The following RPS6KA1 variants were observed in gnomAD, a reference collection of about 807,000 sequenced individuals.
The protein encoded by RPS6KA1 is ribosomal protein S6 kinase alpha-1.
Under a neutral mutation model 91.3 loss-of-function variants are expected in RPS6KA1, and 48 were observed. The observed-to-expected ratio is 0.53, with a 90% CI of 0.42 to 0.67. RPS6KA1 has a LOEUF of 0.67. Among genes scored for constraint, RPS6KA1 ranks in the 30% least tolerant of loss-of-function variants. The pLI, the probability that RPS6KA1 is intolerant of heterozygous loss-of-function variation, is 0.00. For synonymous variants in RPS6KA1, 359 were observed against 384.7 expected (o/e 0.93, Z 0.78); for missense variants, 719 against 960.5 (o/e 0.75, Z 3.32).
intron 2 of RPS6KA1, chr1:26,543,964 A>T: frequency 7.2e-6 from 3 of 414,984 alleles, no homozygotes; most frequent in South Asian, 5.1e-5. Context: ...TAGGAGGAAA[A>T]TCCTAGGGAA....
chr1:26,539,353 G>T (rs1380194949), intron 2 of RPS6KA1, among the ~76,000 whole-genome samples: 1 of 152,210 alleles, frequency 6.6e-6, no homozygotes, highest in Non-Finnish European at 1.5e-5. Flanking sequence ...CTGGCATTTG[G>T]CTGGGACTCA....
chr1:26,546,825 G>C (rs769996645), intron 2 of RPS6KA1, 42 bp from the exon 3 acceptor site: 1 of 1,538,802 alleles, frequency 6.5e-7, no homozygotes, highest in South Asian at 1.1e-5. Context: ...CCTGCTGCCT[G>C]GATGGGGCCC....
intron 1 of RPS6KA1, among the ~76,000 whole-genome samples, chr1:26,534,107 C>G (rs2075889093): frequency 6.6e-6 from 1 of 152,214 alleles, no homozygotes; most frequent in African/African-American, 2.4e-5. Context: ...CTACCCCTTC[C>G]TCCCCACCCT....
chr1:26,550,473 C>G (rs996298450), intron 4 of RPS6KA1, among the ~76,000 whole-genome samples: 1 of 151,818 alleles, frequency 6.6e-6, no homozygotes, highest in Non-Finnish European at 1.5e-5. Flanking sequence ...TGAGCCACCA[C>G]GCCTGGTCCC....
intron 4 of RPS6KA1, among the ~76,000 whole-genome samples, chr1:26,549,833 C>T (rs1309142572): frequency 2.0e-5 from 3 of 151,502 alleles, no homozygotes; most frequent in African/African-American, 7.3e-5. Flanking sequence ...TCCTGAGTAG[C>T]TGGGATTACA....
In RPS6KA1 at chr1:26,536,974, G is replaced by A; in HGVS notation, c.108+5G>A. On this transcript the variant is annotated splice_donor_5th_base_variant and intron_variant, in intron 2 of 21. Coordinates refer to ENST00000374168, the MANE Select transcript of RPS6KA1 (RefSeq NM_002953.4). ...GCTGGACTTCAGCCGTCCAAGGTGA[G>A]GACCATGGCCAGCACCCTGAGCGAG... 6.2e-7 allele frequency: 1 copy of A among 1,614,124 alleles called. No individual in the cohort carries two copies. The highest frequency in any genetic ancestry group is 8.5e-7 in the Non-Finnish European group (1 of 1,179,958).
intron 1 of RPS6KA1, among the ~76,000 whole-genome samples, chr1:26,534,216 T>C (rs1315793401): frequency 6.6e-6 from 1 of 152,162 alleles, no homozygotes; most frequent in Non-Finnish European, 1.5e-5. Context: ...CTGAGCCTCA[T>C]CTGAAAAATA....
At position 26,551,812 on chromosome 1, in the gene RPS6KA1, T is replaced by A. The variant is rs1436015486; in HGVS notation, c.468+89T>A. On this transcript the variant is annotated intron_variant, in intron 6 of 21. Transcript: ENST00000374168. The surrounding 1 kb of genome is among the most constrained non-coding windows in gnomAD (Gnocchi z 4.5). ...CCCAGGGCCCTGTACAGAATGTGTTTGGTATGGCTTGAACCTGGAACCACC... is the reference window on the plus strand; with the variant it reads ...CCCAGGGCCCTGTACAGAATGTGTTAGGTATGGCTTGAACCTGGAACCACC... 9 of 1,209,592 alleles carry A rather than the reference T, an allele frequency of 7.4e-6. No homozygotes were observed. Among genetic ancestry groups the A allele is most frequent in the Non-Finnish European group, 9.7e-6 (8 of 821,948 alleles). The allele number at this position is 1,209,592 out of a possible 1,614,324, so 74.9% of individuals were successfully genotyped here.
rs746980907 is a variant in RPS6KA1 at position 26,555,114 on chromosome 1, A to G, written c.757-37A>G. ...AGGAGGCGGGAGGTGTGTCGGAGAC[A>G]GGGATCAGAGCCTGAATAGATCCTT... On this transcript the variant is annotated intron_variant, in intron 9 of 21. Coordinates refer to ENST00000374168, the MANE Select transcript of RPS6KA1 (RefSeq NM_002953.4). The surrounding 1 kb of genome is among the most constrained non-coding windows in gnomAD (Gnocchi z 4.3). 2 of 1,604,330 alleles carry G rather than the reference A, an allele frequency of 1.2e-6. No homozygotes were observed. The highest frequency in any genetic ancestry group is 1.1e-5 in the South Asian group (1 of 90,858).
Position 26,571,210 on chromosome 1 carries a change from G to T in RPS6KA1, c.1591-239G>T. 1.9e-6 allele frequency: 1 copy of T among 519,312 alleles called. No homozygotes were observed. Among genetic ancestry groups the T allele is most frequent in the East Asian group, 3.2e-5 (1 of 31,318 alleles). 32.2% of individuals were successfully genotyped at this position (519,312 alleles called of 1,614,324 possible). A position where few individuals can be genotyped will look rare whatever the true frequency, so the allele number is the denominator to read the frequency against. ...AGATTATGTGATGAGTAGGTTTTAG[G>T]GGAGAATTGAGAGTTCAGTTTTGAC... On this transcript the variant is annotated intron_variant, in intron 17 of 21. Transcript: ENST00000374168. This position sits in a 1 kb window ranked among gnomAD's most constrained non-coding sequence, Gnocchi z 5.1.
In RPS6KA1 at chr1:26,540,530, C is replaced by T. The variant is rs1032264938; in HGVS notation, c.108+3561C>T. Among the ~76,000 whole-genome samples the T allele has an allele frequency of 6.6e-6, 1 of 152,238 alleles. No homozygotes were observed. The highest frequency in any genetic ancestry group is 2.1e-4 in the South Asian group (1 of 4,834). On this transcript the variant is annotated intron_variant, in intron 2 of 21. Coordinates refer to ENST00000374168, the MANE Select transcript of RPS6KA1 (RefSeq NM_002953.4). The surrounding 1 kb of genome is among the most constrained non-coding windows in gnomAD (Gnocchi z 4.2). ...GGCAAATAGTCACCACCTCTGGGCA[C>T]CCACAACACCTTGATTATGGCTGTC...
rs11580180 is a variant in RPS6KA1, at chr1:26,540,962, A to G, written c.108+3993A>G. Among the ~76,000 whole-genome samples the G allele has an allele frequency of 0.77, 116,454 of 151,920 alleles. 45,111 individuals carry two copies. The highest frequency in any genetic ancestry group is 0.88 in the African/African-American group (36,535 of 41,432). On this transcript the variant is annotated intron_variant, in intron 2 of 21. Transcript: ENST00000374168. The surrounding 1 kb of genome is among the most constrained non-coding windows in gnomAD (Gnocchi z 4.2). ...TATGCCACTATGCCCGGCTAATTTC[A>G]TATTTTTAGTAGAGACGGGGTTTCT...
At position 26,555,660 on chromosome 1, in the gene RPS6KA1, G is replaced by A. The variant is rs777292828; in HGVS notation, c.916+35G>A. ...CCCAGCTCAGGGGAGGGGATGTGGC[G>A]ATGGGGAGCCGGGTACAGCTGCAGC... On this transcript the variant is annotated intron_variant, in intron 11 of 21. Coordinates refer to ENST00000374168, the MANE Select transcript of RPS6KA1 (RefSeq NM_002953.4). This position sits in a 1 kb window ranked among gnomAD's most constrained non-coding sequence, Gnocchi z 4.3. The A allele has an allele frequency of 2.0e-5, 31 of 1,554,480 alleles. No individual in the cohort carries two copies. In the African/African-American group the frequency reaches 2.7e-4, roughly 14 times the overall value.
chr1:26,556,979 T>C lies in RPS6KA1; in HGVS notation c.982-19T>C. ...GTTGAGGATGCCATGGTGACCAGAG[T>C]GCCCACCCCACTGTGCAGAAGCTAT... On this transcript the variant is annotated intron_variant, in intron 12 of 21. Coordinates refer to ENST00000374168, the MANE Select transcript of RPS6KA1 (RefSeq NM_002953.4). 2 of 1,596,154 alleles carry C rather than the reference T, an allele frequency of 1.3e-6. No homozygotes were observed. The highest frequency in any genetic ancestry group is 1.7e-6 in the Non-Finnish European group (2 of 1,163,888).
At chr1:26,562,825 C>CCTTTTT (rs1553133561) in intron 17 of RPS6KA1, among the ~76,000 whole-genome samples, 1 of 81,444 alleles carries the variant, frequency 1.2e-5, no homozygotes, top group Non-Finnish European at 2.3e-5. Flanking sequence ...TCCTATTGTC[C>CCTTTTT]TTTTTTTTTT....
intron 1 of RPS6KA1, among the ~76,000 whole-genome samples, chr1:26,534,790 C>T (rs11576136): frequency 0.052 from 7,864 of 152,260 alleles, 295 homozygotes; most frequent in Middle Eastern, 0.15. Flanking sequence ...AATTTGAACC[C>T]ACAAGGTCAG....
chr1:26,530,026 C>A, intron 1 of RPS6KA1, 43 bp downstream of exon 1: 1 of 1,277,676 alleles, frequency 7.8e-7, no homozygotes, highest in East Asian at 3.4e-5. Context: ...GGCCGGCGAG[C>A]CCGGATCCTC....
Position 26,551,522 on chromosome 1 carries a change from C to T in RPS6KA1, c.388+45C>T, listed in dbSNP as rs754393696. On this transcript the variant is annotated intron_variant, in intron 5 of 21. Coordinates refer to ENST00000374168, the MANE Select transcript of RPS6KA1 (RefSeq NM_002953.4). The surrounding 1 kb of genome is among the most constrained non-coding windows in gnomAD (Gnocchi z 4.5). ...CTGAGCTCCTACCCCACCCATCCTT[C>T]GCCCTTGCCTGTGGTCTGTACACTG... The T allele has an allele frequency of 3.9e-5, 62 of 1,606,792 alleles. No individual in the cohort carries two copies. In the Middle Eastern group the frequency reaches 4.9e-4, roughly 13 times the overall value.
At chr1:26,550,936 C>G (rs2124635407) in intron 4 of RPS6KA1, among the ~76,000 whole-genome samples, 1 of 152,154 alleles carries the variant, frequency 6.6e-6, no homozygotes, top group East Asian at 1.9e-4. Context: ...AGGGATCCAG[C>G]TCACCAGGTA....
Sources: allele counts gnomAD v4.1 joint callset (sites outside exome capture counted in the v4.1 genomes callset), GRCh38; gene constraint gnomAD v4.1.1; non-coding constraint Gnocchi (gnomAD v3.1); transcripts MANE v1.5; gene names NCBI Gene and HGNC (gene_info 2026-07-23, HGNC 2026-07-21).